TMEM150A: variants seen among roughly 807,000 people sequenced by gnomAD.
The protein encoded by TMEM150A is transmembrane protein 150A.
In TMEM150A, 18 loss-of-function variants were observed where a neutral mutation model predicts 29.8. That is an observed-to-expected ratio of 0.60 (90% CI 0.42 to 0.90). The LOEUF (loss-of-function observed/expected upper bound fraction) is 0.90. Among genes scored for constraint, TMEM150A ranks in the 40% least tolerant of loss-of-function variants. The pLI is 0.00. For synonymous variants in TMEM150A, 127 were observed against 143.6 expected, an observed-to-expected ratio of 0.88 and a Z score of 0.83; for missense variants, 251 against 349.7, an observed-to-expected ratio of 0.72 and a Z score of 2.25.
At position 85,599,423 on chromosome 2, in the gene TMEM150A, T is replaced by C. The variant is rs1558829893; in HGVS notation, c.574+102A>G. The C allele has an allele frequency of 6.4e-7, 1 of 1,569,136 alleles. No individual in the cohort carries two copies. Among genetic ancestry groups the C allele is most frequent in the South Asian group, 1.2e-5 (1 of 83,618 alleles). The stretch of plus-strand genomic sequence containing the variant: ...TCCAAAGGGAGAGGTGTTAGTCCTC[T>C]CCCCCACATGGCAGTGTTAGGCCTC... On this transcript the variant is annotated intron_variant, in intron 7 of 7. Transcript: ENST00000334462. The surrounding 1 kb of genome is among the most constrained non-coding windows in gnomAD (Gnocchi z 6.0).
chr2:85,600,178 C>T (rs1247973146), intron 5 of TMEM150A, among the ~76,000 whole-genome samples, 160 bp from the exon 6 acceptor site: 1 of 152,186 alleles, frequency 6.6e-6, no homozygotes, highest in African/African-American at 2.4e-5. Context: ...CTCCAGCCAG[C>T]AGGGTGGCTG....
At chr2:85,600,486 C>G in intron 4 of TMEM150A, 74 bp from the exon 5 acceptor site, 1 of 1,089,514 alleles carries the variant, frequency 9.2e-7, no homozygotes, top group Non-Finnish European at 1.4e-6. Context: ...CTCACTGGCT[C>G]TCCCCTGCTT....
At position 85,600,780 on chromosome 2, in the gene TMEM150A, C is replaced by T. The variant is rs895224874; in HGVS notation, c.200+241G>A. 11 of 555,744 alleles carry T rather than the reference C, an allele frequency of 2.0e-5. No individual in the cohort carries two copies. The East Asian group carries it at 3.3e-4, about 17-fold the overall frequency. The allele number at this position is 555,744 out of a possible 1,614,324, so 34.4% of individuals were successfully genotyped here. On this transcript the variant is annotated intron_variant, in intron 4 of 7. Transcript: ENST00000334462. ...GTGACCTGGATGAGGAAGACTGAGC[C>T]TGTTTCCTCACCTATAAAATGGTGA... is the stretch of plus-strand genomic sequence containing the variant.
chr2:85,600,401 G>A lies in TMEM150A; in HGVS notation c.212C>T (p.Ser71Phe). 6.2e-7 allele frequency: 1 copy of A among 1,614,016 alleles called. No homozygotes were observed. Reference protein sequence around the residue: ...DDVPLISKCGSYPPESCLFSL... With the variant: ...DDVPLISKCGFYPPESCLFSL... ...GAAGAGGCAGCTTTCTGGGGGATAG[G>A]AGCCACACTTGCTGCGAGGAGGGGG... The change falls in exon 5 of 8, where the codon TCC becomes TTC. Residue 71 changes from serine (S) to phenylalanine (F), a missense_variant. Ser to Phe is a radical substitution (Grantham distance 155). Coordinates refer to ENST00000334462, the MANE Select transcript of TMEM150A (RefSeq NM_001031738.3).
rs538530377 is a variant in TMEM150A at position 85,602,289 on chromosome 2, G to T, written c.-116-225C>A. On this transcript the variant is annotated intron_variant, in intron 1 of 7. Coordinates refer to ENST00000334462, the MANE Select transcript of TMEM150A (RefSeq NM_001031738.3). This position sits in a 1 kb window ranked among gnomAD's most constrained non-coding sequence, Gnocchi z 5.6. The stretch of plus-strand genomic sequence containing the variant: ...CAGGCGGACCGTAACATCTGGAAGG[G>T]AGTTACCCTCCTTCTGAGGGACCAG... 2.4e-5 allele frequency: 6 copies of T among 249,944 alleles called. No homozygotes were observed. The East Asian group carries it at 6.1e-4, about 26-fold the overall frequency. 15.5% of individuals were successfully genotyped at this position (249,944 alleles called of 1,614,324 possible).
chr2:85,599,229 G>C lies in TMEM150A; in HGVS notation c.663C>G (p.Phe221Leu). ...EWVCVIDILIFYGTFSYEFGA... is the reference protein window; with the variant it reads ...EWVCVIDILILYGTFSYEFGA... ...CAAACTCGTAGCTGAAGGTGCCATA[G>C]AAAATGAGGATATCGATGACACACA... Residue 221 changes from phenylalanine to leucine, a missense_variant, in exon 8 of 8, where the codon TTC (phenylalanine) becomes TTG (leucine). Physicochemically the swap from Phe to Leu is conservative, Grantham distance 22. Coordinates refer to ENST00000334462, the MANE Select transcript of TMEM150A (RefSeq NM_001031738.3). This position sits in a 1 kb window ranked among gnomAD's most constrained non-coding sequence, Gnocchi z 6.0. 1 of 1,614,022 alleles carries C rather than the reference G, an allele frequency of 6.2e-7. No individual in the cohort carries two copies. Among genetic ancestry groups the C allele is most frequent in the Non-Finnish European group, 8.5e-7 (1 of 1,180,016 alleles).
chr2:85,598,562 T>G lies in TMEM150A; in HGVS notation c.*514A>C, dbSNP rs1672747749. ...GCTACAAACATGCAAATTAGAATTC[T>G]TTTAATATAAAAAAAAGTACTAAAA... On this transcript the variant is annotated 3_prime_UTR_variant, in exon 8 of 8. Transcript: ENST00000334462. 6.3e-6 allele frequency: 1 copy of G among 157,876 alleles called. No individual in the cohort carries two copies. The highest frequency in any genetic ancestry group is 1.4e-5 in the Non-Finnish European group (1 of 70,930). 9.8% of individuals were successfully genotyped at this position (157,876 alleles called of 1,614,324 possible). A position where few individuals can be genotyped will look rare whatever the true frequency, so the allele number is the denominator to read the frequency against.
In TMEM150A at chr2:85,599,436, AGT is replaced by A; in HGVS notation, c.574+87_574+88del. ...GTGTTAGTCCTCTCCCCCACATGGC[AGT>A]GTTAGGCCTCCACCCCCCATCCTCT... is the stretch of plus-strand genomic sequence containing the variant. On this transcript the variant is annotated intron_variant, in intron 7 of 7. Coordinates refer to ENST00000334462, the MANE Select transcript of TMEM150A (RefSeq NM_001031738.3). The surrounding 1 kb of genome is among the most constrained non-coding windows in gnomAD (Gnocchi z 6.0). 6.4e-7 allele frequency: 1 copy of A among 1,565,826 alleles called. No homozygotes were observed. Among genetic ancestry groups the A allele is most frequent in the Non-Finnish European group, 8.7e-7 (1 of 1,155,838 alleles).
Position 85,599,771 on chromosome 2 carries a change from TCTC to T in TMEM150A, c.397-72_397-70del, listed in dbSNP as rs150451323. 0.058 allele frequency: 92,810 copies of T among 1,592,240 alleles called. 3,158 individuals carry two copies. Among genetic ancestry groups the T allele is most frequent in the Middle Eastern group, 0.094 (455 of 4,842 alleles). On this transcript the variant is annotated intron_variant, in intron 6 of 7. Coordinates refer to ENST00000334462, the MANE Select transcript of TMEM150A (RefSeq NM_001031738.3). This position sits in a 1 kb window ranked among gnomAD's most constrained non-coding sequence, Gnocchi z 6.0. ...ACCTCTCCACCCCTCCTTCAATGAATCTCCTCTCTCCCTCTTCCTTCCTCTCCC... is the reference window on the plus strand; with the variant it reads ...ACCTCTCCACCCCTCCTTCAATGAATCTCTCTCCCTCTTCCTTCCTCTCCC...
At position 85,601,412 on chromosome 2, in the gene TMEM150A, G is replaced by A. The variant is rs1250448976; in HGVS notation, c.113+23C>T. 2 of 1,613,746 alleles carry A rather than the reference G, an allele frequency of 1.2e-6. No individual in the cohort carries two copies. The highest frequency in any genetic ancestry group is 4.5e-5 in the East Asian group (2 of 44,886). ...GAGATGAAGGAAGCTTTAGAGCAAG[G>A]TTGTCTGCAGAGTCCTTCATACCAG... On this transcript the variant is annotated intron_variant, in intron 3 of 7. Coordinates refer to ENST00000334462, the MANE Select transcript of TMEM150A (RefSeq NM_001031738.3). This position sits in a 1 kb window ranked among gnomAD's most constrained non-coding sequence, Gnocchi z 4.0.
chr2:85,599,667 AG>A lies in TMEM150A; in HGVS notation c.431del (p.Ala144ValfsTer127). 6.2e-7 allele frequency: 1 copy of A among 1,613,570 alleles called. No individual in the cohort carries two copies. The highest frequency in any genetic ancestry group is 8.5e-7 in the Non-Finnish European group (1 of 1,179,986). On this transcript the variant is annotated frameshift_variant, in exon 7 of 8. Transcript: ENST00000334462. LOFTEE classifies it high-confidence loss of function. This position sits in a 1 kb window ranked among gnomAD's most constrained non-coding sequence, Gnocchi z 6.0. ...GCAGCCCCGCAGGGAAGGCCACGCC[AG>A]CTCCAACGTAGTGCAGAGACCTGGC... ...DHARSLHYVG[A>X]GVAFPAGLLF...
At position 85,599,595 on chromosome 2, in the gene TMEM150A, G is replaced by A. The variant is rs1573358233; in HGVS notation, c.504C>T (p.Ala168=). 1 of 1,613,790 alleles carries A rather than the reference G, an allele frequency of 6.2e-7. No individual in the cohort carries two copies. The highest frequency in any genetic ancestry group is 2.2e-5 in the East Asian group (1 of 44,898). ...HCALSYQGAT[A]PLDLAVAYLR... is the part of the protein sequence containing the mutation. ...GATAGGCCACAGCCAGGTCCAGCGGGGCGGTGGCCCCTTGGTAGGAGAGAG... is the reference window on the plus strand; with the variant it reads ...GATAGGCCACAGCCAGGTCCAGCGGAGCGGTGGCCCCTTGGTAGGAGAGAG... The change falls in exon 7 of 8, where the codon GCC becomes GCT. Residue 168 remains alanine, a synonymous_variant. Coordinates refer to ENST00000334462, the MANE Select transcript of TMEM150A (RefSeq NM_001031738.3). This position sits in a 1 kb window ranked among gnomAD's most constrained non-coding sequence, Gnocchi z 6.0.
In TMEM150A at chr2:85,599,482, A is replaced by G. The variant is rs1672806431; in HGVS notation, c.574+43T>C. ...ATCCTCTTGGGAGGGAGAAAGGTTG[A>G]GCTAGAGGATGAGTTCCTGGCTGCC... is the stretch of plus-strand genomic sequence containing the variant. On this transcript the variant is annotated intron_variant, in intron 7 of 7. Coordinates refer to ENST00000334462, the MANE Select transcript of TMEM150A (RefSeq NM_001031738.3). This position sits in a 1 kb window ranked among gnomAD's most constrained non-coding sequence, Gnocchi z 6.0. 1.3e-6 allele frequency: 2 copies of G among 1,582,248 alleles called. No homozygotes were observed. Among genetic ancestry groups the G allele is most frequent in the African/African-American group, 1.4e-5 (1 of 73,998 alleles).
rs1672820883 is a variant in TMEM150A at position 85,599,700 on chromosome 2, C to G, written c.399G>C (p.Val133=). The change falls in exon 7 of 8, where the codon GTG becomes GTC. Residue 133 remains valine (V), a splice_region_variant and synonymous_variant. Coordinates refer to ENST00000334462, the MANE Select transcript of TMEM150A (RefSeq NM_001031738.3). The surrounding 1 kb of genome is among the most constrained non-coding windows in gnomAD (Gnocchi z 6.0). Reference sequence around the variant, plus strand: ...CGTAGTGCAGAGACCTGGCATGATCCACCTGGGCCCAGAGAAGGGCCAGTT... The same window carrying G: ...CGTAGTGCAGAGACCTGGCATGATCGACCTGGGCCCAGAGAAGGGCCAGTT... ...AGLLVVGNFQ[V]DHARSLHYVG... is the part of the protein sequence containing the mutation. The G allele has an allele frequency of 5.0e-6, 8 of 1,611,644 alleles. No individual in the cohort carries two copies. The highest frequency in any genetic ancestry group is 1.7e-4 in the Middle Eastern group (1 of 5,846).
At chr2:85,600,468 CA>C in intron 4 of TMEM150A, 56 bp from the exon 5 acceptor site, 1 of 1,375,980 alleles carries the variant, frequency 7.3e-7, no homozygotes, top group Non-Finnish European at 1.0e-6. Flanking sequence ...GGGGGGCCCC[CA>C]TTTTGGCTCA....
chr2:85,601,753 T>C lies in TMEM150A; in HGVS notation c.65+131A>G. 9.0e-7 allele frequency: 1 copy of C among 1,112,218 alleles called. No homozygotes were observed. Among genetic ancestry groups the C allele is most frequent in the Non-Finnish European group, 1.3e-6 (1 of 749,418 alleles). 68.9% of individuals were successfully genotyped at this position (1,112,218 alleles called of 1,614,324 possible). A position where few individuals can be genotyped will look rare whatever the true frequency, so the allele number is the denominator to read the frequency against. On this transcript the variant is annotated intron_variant, in intron 2 of 7. Transcript: ENST00000334462. This position sits in a 1 kb window ranked among gnomAD's most constrained non-coding sequence, Gnocchi z 4.0. ...TGCCAGCTTGTCCCAAGGGGCTGTGTGCCCAGGCACCAAGTCAGGCTTTTG... is the reference window on the plus strand; with the variant it reads ...TGCCAGCTTGTCCCAAGGGGCTGTGCGCCCAGGCACCAAGTCAGGCTTTTG...
In TMEM150A at chr2:85,601,754, G is replaced by A. The variant is rs1672978196; in HGVS notation, c.65+130C>T. 2.7e-6 allele frequency: 3 copies of A among 1,121,884 alleles called. No individual in the cohort carries two copies. In the East Asian group the frequency reaches 7.1e-5, roughly 27 times the overall value. 69.5% of individuals were successfully genotyped at this position (1,121,884 alleles called of 1,614,324 possible). On this transcript the variant is annotated intron_variant, in intron 2 of 7. Coordinates refer to ENST00000334462, the MANE Select transcript of TMEM150A (RefSeq NM_001031738.3). This position sits in a 1 kb window ranked among gnomAD's most constrained non-coding sequence, Gnocchi z 4.0. Reference sequence around the variant, plus strand: ...GCCAGCTTGTCCCAAGGGGCTGTGTGCCCAGGCACCAAGTCAGGCTTTTGA... The same window carrying A: ...GCCAGCTTGTCCCAAGGGGCTGTGTACCCAGGCACCAAGTCAGGCTTTTGA...
Position 85,602,636 on chromosome 2 carries a change from C to G in TMEM150A, c.-146G>C, listed in dbSNP as rs1673040982. ...CCGGAGCGCCCCGCCGCCGCCGCAC[C>G]CTGCTCGGCCCCCTCGTGGCGCCGA... On this transcript the variant is annotated 5_prime_UTR_variant, in exon 1 of 8. Transcript: ENST00000334462. This position sits in a 1 kb window ranked among gnomAD's most constrained non-coding sequence, Gnocchi z 5.6. 6.5e-6 allele frequency: 1 copy of G among 153,168 alleles called. No individual in the cohort carries two copies. Among genetic ancestry groups the G allele is most frequent in the African/African-American group, 2.4e-5 (1 of 41,442 alleles). 9.5% of individuals were successfully genotyped at this position (153,168 alleles called of 1,614,324 possible).
rs1673035397 is a variant in TMEM150A at position 85,602,543 on chromosome 2, G to T, written c.-117+64C>A. The T allele has an allele frequency of 6.6e-6, 1 of 151,930 alleles. No individual in the cohort carries two copies. The highest frequency in any genetic ancestry group is 2.1e-4 in the South Asian group (1 of 4,830). The allele number at this position is 151,930 out of a possible 1,614,324, so 9.4% of individuals were successfully genotyped here. On this transcript the variant is annotated intron_variant, in intron 1 of 7. Coordinates refer to ENST00000334462, the MANE Select transcript of TMEM150A (RefSeq NM_001031738.3). This position sits in a 1 kb window ranked among gnomAD's most constrained non-coding sequence, Gnocchi z 5.6. ...TGCGGCCGGCGACCCCCCAGGACCC[G>T]GGACGCGAGAGTCCCCAGGTGATTC...
Sources: allele counts gnomAD v4.1 joint callset (sites outside exome capture counted in the v4.1 genomes callset), GRCh38; gene constraint gnomAD v4.1.1; non-coding constraint Gnocchi (gnomAD v3.1); transcripts MANE v1.5; gene names NCBI Gene and HGNC (gene_info 2026-07-23, HGNC 2026-07-21).